The following SYNE1 variants were observed in gnomAD, a reference collection of about 807,000 sequenced individuals.
SYNE1 encodes spectrin repeat containing nuclear envelope protein 1.
SYNE1 carries 616 observed loss-of-function variants against 1,111.0 expected under a neutral mutation model. The ratio of observed to expected loss-of-function variants is 0.55; its 90% CI spans 0.52 to 0.59. The LOEUF (loss-of-function observed/expected upper bound fraction) is 0.59, where lower values mean the gene tolerates loss of function less well. Ranked by LOEUF, SYNE1 falls within the 20% of genes least tolerant of loss-of-function variation. SYNE1 has a pLI of 0.00. For synonymous variants in SYNE1, 3,855 were observed against 3,825.8 expected, an observed-to-expected ratio of 1.01 and a Z score of -0.28; for missense variants, 10,006 against 10,417.0, an observed-to-expected ratio of 0.96 and a Z score of 1.72.
At chr6:152,568,289 CTTTTTTTTTTT>C (rs10601350) in intron 3 of SYNE1, among the ~76,000 whole-genome samples, 6 of 80,310 alleles carry the variant, frequency 7.5e-5, no homozygotes, top group African/African-American at 3.0e-4. Flanking sequence ...TTATTTTATT[CTTTTTTTTTTT>C]TTTTTTTTTT....
intron 116 of SYNE1, among the ~76,000 whole-genome samples, chr6:152,224,928 C>A (rs1049789444): frequency 6.9e-6 from 1 of 144,340 alleles, no homozygotes; most frequent in Non-Finnish European, 1.5e-5. Flanking sequence ...TATATATATA[C>A]ATATATACAT....
In SYNE1 at chr6:152,353,708, C is replaced by T. The variant is rs778385933; in HGVS notation, c.10963G>A (p.Val3655Ile). ...TGAGCTCTAGCTCCCACTTCCTCAACTTCATCTCTGTATGCAGTCACTTCT... is the reference window on the plus strand; with the variant it reads ...TGAGCTCTAGCTCCCACTTCCTCAATTTCATCTCTGTATGCAGTCACTTCT... ...HEEVTAYRDEVEEVGARAQEI... is the reference protein window; with the variant it reads ...HEEVTAYRDEIEEVGARAQEI... Residue 3655 changes from valine to isoleucine, a missense_variant, in exon 68 of 146, where the codon GTT (valine) becomes ATT (isoleucine). Transcript: ENST00000367255. 5 of 1,614,186 alleles carry T rather than the reference C, an allele frequency of 3.1e-6. No individual in the cohort carries two copies. The highest frequency in any genetic ancestry group is 4.2e-6 in the Non-Finnish European group (5 of 1,180,042).
In SYNE1 at chr6:152,221,535, G is replaced by GT; in HGVS notation, c.21546dup (p.Gln7183ThrfsTer40). On this transcript the variant is annotated frameshift_variant, in exon 118 of 146. Coordinates refer to ENST00000367255, the MANE Select transcript of SYNE1 (RefSeq NM_182961.4). LOFTEE classifies it high-confidence loss of function. Reference sequence around the variant, plus strand: ...CCAAATTTCTGTAAGCTCCTTTCCTGTTTTTCCAGATCATCTTGGAGATTC... The same window carrying GT: ...CCAAATTTCTGTAAGCTCCTTTCCTGTTTTTTCCAGATCATCTTGGAGATTC... The GT allele has an allele frequency of 6.2e-7, 1 of 1,613,720 alleles. No individual in the cohort carries two copies. The highest frequency in any genetic ancestry group is 8.5e-7 in the Non-Finnish European group (1 of 1,179,878).
intron 4 of SYNE1, among the ~76,000 whole-genome samples, chr6:152,530,779 AC>A (rs1165910196): frequency 6.6e-6 from 1 of 151,426 alleles, no homozygotes; most frequent in Admixed American, 6.6e-5. Flanking sequence ...CCACCACCAC[AC>A]CCAGCTAATT....
chr6:152,596,498 C>T (rs113176439), intron 3 of SYNE1, among the ~76,000 whole-genome samples: 5,543 of 152,080 alleles, frequency 0.036, 350 homozygotes, highest in African/African-American at 0.13. Flanking sequence ...TCGAGTGATC[C>T]GCCCGCCTTG....
rs180974343 is a variant in SYNE1 at position 152,294,189 on chromosome 6, T to C, written c.17683-62A>G. 9.6e-6 allele frequency: 15 copies of C among 1,560,610 alleles called. No individual in the cohort carries two copies. In the East Asian group the frequency reaches 2.9e-4, roughly 31 times the overall value. On this transcript the variant is annotated intron_variant, in intron 93 of 145. Transcript: ENST00000367255. ...AGACAAAGTCTAGATTAATATGCTC[T>C]GGGTACTGTTGGTCATGTCAAGGAA...
chr6:152,371,905 A>G (rs191142970), intron 59 of SYNE1, among the ~76,000 whole-genome samples: 1 of 52,586 alleles, frequency 1.9e-5, no homozygotes, highest in African/African-American at 5.7e-5. Context: ...AAGGAAAGGA[A>G]AGGAAAGGAA....
chr6:152,485,394 A>G (rs1248222586), intron 12 of SYNE1, among the ~76,000 whole-genome samples: 1 of 152,240 alleles, frequency 6.6e-6, no homozygotes, highest in African/African-American at 2.4e-5. Flanking sequence ...GCTTTACTTC[A>G]AGTACCAAAC....
At chr6:152,456,756 G>A (rs927125543) in intron 22 of SYNE1, 1 of 448,418 alleles carries the variant, frequency 2.2e-6, no homozygotes, top group African/African-American at 2.0e-5. Flanking sequence ...AAGGCAGAGG[G>A]TCATTTTTTG....
intron 102 of SYNE1, among the ~76,000 whole-genome samples, chr6:152,256,037 T>A (rs1269339627): frequency 6.6e-6 from 1 of 152,054 alleles, no homozygotes; most frequent in Non-Finnish European, 1.5e-5. Context: ...AGGTGGAGGC[T>A]GCAGTGAGCT....
chr6:152,184,632 A>T (rs950323087), intron 128 of SYNE1, among the ~76,000 whole-genome samples: 1 of 47,068 alleles, frequency 2.1e-5, no homozygotes, highest in Non-Finnish European at 5.1e-5. Context: ...ATACACATAT[A>T]TAGATAGATA....
chr6:152,422,714 G>T lies in SYNE1; in HGVS notation c.5267+2667C>A, dbSNP rs1488716165. Among the ~76,000 whole-genome samples, 2 of 152,052 alleles carry T rather than the reference G, an allele frequency of 1.3e-5. 1 individual carries two copies. Among genetic ancestry groups the T allele is most frequent in the Non-Finnish European group, 2.9e-5 (2 of 68,008 alleles). ...TGTAAAGATGGGGTCTTGCTATGTTGCCCAGGCTGGTTTTGAACTCCCAGC... is the reference window on the plus strand; with the variant it reads ...TGTAAAGATGGGGTCTTGCTATGTTTCCCAGGCTGGTTTTGAACTCCCAGC... On this transcript the variant is annotated intron_variant, in intron 39 of 145. Coordinates refer to ENST00000367255, the MANE Select transcript of SYNE1 (RefSeq NM_182961.4).
chr6:152,578,301 C>T (rs926535030), intron 3 of SYNE1, among the ~76,000 whole-genome samples: 1 of 152,104 alleles, frequency 6.6e-6, no homozygotes, highest in African/African-American at 2.4e-5. Flanking sequence ...AATATGAAAA[C>T]TTCATATCCT....
In SYNE1 at chr6:152,208,011, T is replaced by C. The variant is rs767635883; in HGVS notation, c.22785A>G (p.Ile7595Met). 127 of 1,614,142 alleles carry C rather than the reference T, an allele frequency of 7.9e-5. 1 individual carries two copies. The South Asian group carries it at 1.4e-3, about 17-fold the overall frequency. ...LPMSGLGSVPIPLQQARTLFD... is the reference protein window; with the variant it reads ...LPMSGLGSVPMPLQQARTLFD... Reference sequence around the variant, plus strand: ...AGAGGGTCCTTGCTTGTTGCAGTGGTATAGGAACACTTCCGAGACCACTCA... The same window carrying C: ...AGAGGGTCCTTGCTTGTTGCAGTGGCATAGGAACACTTCCGAGACCACTCA... The change falls in exon 125 of 146, where the codon ATA becomes ATG. Residue 7595 changes from isoleucine (I) to methionine (M), a missense_variant. Transcript: ENST00000367255.
intron 3 of SYNE1, among the ~76,000 whole-genome samples, chr6:152,611,840 A>C (rs1312762987): frequency 1.3e-5 from 2 of 152,162 alleles, no homozygotes; most frequent in Non-Finnish European, 1.5e-5. Context: ...AGGATTAAGA[A>C]ACTCACTCAA....
chr6:152,589,304 T>G (rs2099550741), intron 3 of SYNE1, among the ~76,000 whole-genome samples: 1 of 152,212 alleles, frequency 6.6e-6, no homozygotes, highest in South Asian at 2.1e-4. Context: ...ATTATTAGTT[T>G]TGATTATCTG....
chr6:152,345,158 G>C (rs970258380), intron 73 of SYNE1, among the ~76,000 whole-genome samples: 1 of 152,102 alleles, frequency 6.6e-6, no homozygotes, highest in African/African-American at 2.4e-5. Context: ...ATGAAGTTCT[G>C]ATTATGTTCT....
intron 49 of SYNE1, 96 bp downstream of exon 49, chr6:152,398,523 G>T: frequency 1.0e-6 from 1 of 980,406 alleles, no homozygotes; most frequent in Non-Finnish European, 1.6e-6. Context: ...GAAAAGATTG[G>T]CTCAGATAAG....
At chr6:152,162,400 T>C (rs1397923222) in intron 131 of SYNE1, among the ~76,000 whole-genome samples, 1 of 152,204 alleles carries the variant, frequency 6.6e-6, no homozygotes, top group Non-Finnish European at 1.5e-5. Context: ...CTACCATCAT[T>C]TTATTGGGGT....
Sources: gnomAD v4.1 joint callset for allele counts (sites outside exome capture counted in the v4.1 genomes callset) on GRCh38, gnomAD v4.1.1 for gene constraint, MANE v1.5 for transcripts, NCBI Gene and HGNC (gene_info 2026-07-23, HGNC 2026-07-21) for gene names.